The following SLC22A23 variants were observed in gnomAD, a reference collection of about 807,000 sequenced individuals.
The protein encoded by SLC22A23 is solute carrier family 22 member 23.
A neutral mutation model predicts 61.0 loss-of-function variants in SLC22A23; 26 were observed. The ratio of observed to expected loss-of-function variants is 0.43; its 90% confidence interval spans 0.31 to 0.59. The LOEUF is 0.59. Among genes scored for constraint, SLC22A23 ranks in the 20% least tolerant of loss-of-function variants. The pLI is 0.11. For missense variants in SLC22A23, 796 were observed against 934.7 expected, an observed-to-expected ratio of 0.85 and a Z score of 1.94; for synonymous variants, 430 against 413.9, an observed-to-expected ratio of 1.04 and a Z score of -0.47.
chr6:3,358,480 AAAT>A (rs1302848460), intron 3 of SLC22A23, among the ~76,000 whole-genome samples: 1 of 152,234 alleles, frequency 6.6e-6, no homozygotes, highest in African/African-American at 2.4e-5. Context: ...ACAGAAGGAC[AAAT>A]ACTACATGAT....
At chr6:3,349,180 C>T (rs926082599) in intron 3 of SLC22A23, among the ~76,000 whole-genome samples, 1 of 152,236 alleles carries the variant, frequency 6.6e-6, no homozygotes. Context: ...CCCTGCTCTT[C>T]GTTCCTCCCT....
At chr6:3,332,842 C>T (rs1240799172) in intron 3 of SLC22A23, among the ~76,000 whole-genome samples, 1 of 152,088 alleles carries the variant, frequency 6.6e-6, no homozygotes, top group African/African-American at 2.4e-5. Flanking sequence ...CAGTCTAGAG[C>T]AGACTTCCCC....
chr6:3,406,262 A>C (rs1006106126), intron 3 of SLC22A23, among the ~76,000 whole-genome samples: 5 of 152,158 alleles, frequency 3.3e-5, no homozygotes, highest in African/African-American at 1.2e-4. Context: ...CATCAAATCA[A>C]CTTAAAAAAC....
intron 1 of SLC22A23, among the ~76,000 whole-genome samples, chr6:3,426,262 C>T (rs1211138161): frequency 1.3e-5 from 2 of 152,164 alleles, no homozygotes; most frequent in African/African-American, 4.8e-5. Flanking sequence ...AAGCTTATAG[C>T]CAAGTCAGAC....
At chr6:3,285,021 A>G in intron 8 of SLC22A23, 58 bp downstream of exon 8, 1 of 1,599,808 alleles carries the variant, frequency 6.3e-7, no homozygotes, top group Non-Finnish European at 8.5e-7. Flanking sequence ...CTTCGAGAAA[A>G]CACCCATTTA....
chr6:3,340,762 A>G (rs2127421645), intron 3 of SLC22A23, among the ~76,000 whole-genome samples: 1 of 152,310 alleles, frequency 6.6e-6, no homozygotes, highest in African/African-American at 2.4e-5. Flanking sequence ...GAGACATGAG[A>G]ACCGAGAGAC....
intron 8 of SLC22A23, 144 bp downstream of exon 8, chr6:3,284,935 C>G (rs1016790825): frequency 1.6e-5 from 25 of 1,544,804 alleles, no homozygotes; most frequent in Non-Finnish European, 2.1e-5. Context: ...TAGTGTCCAA[C>G]CTACGGCCAA....
chr6:3,306,667 T>C (rs1436851550), intron 4 of SLC22A23, among the ~76,000 whole-genome samples: 3 of 152,202 alleles, frequency 2.0e-5, no homozygotes, highest in Non-Finnish European at 2.9e-5. Context: ...GCTGGCTCAC[T>C]GATCCCCAGG....
intron 4 of SLC22A23, among the ~76,000 whole-genome samples, chr6:3,315,160 A>G (rs1479341614): frequency 3.2e-5 from 2 of 63,272 alleles, no homozygotes; most frequent in Non-Finnish European, 8.5e-5. Flanking sequence ...AGTCTTGGGG[A>G]AAAGTGCAAA....
rs1769503314 is a variant in SLC22A23 at position 3,414,233 on chromosome 6, ATATTAG to A, written c.758+1513_758+1518del. Among the ~76,000 whole-genome samples, 5 of 152,256 alleles carry A rather than the reference ATATTAG, an allele frequency of 3.3e-5. No individual in the cohort carries two copies. Among genetic ancestry groups the A allele is most frequent in the Admixed American group, 3.3e-4 (5 of 15,290 alleles). ...TTTTAGAAAGACAGTGACATGGATTATATTAGTATATTTTTCTAACCTATTTCAATG... is the reference window on the plus strand; with the variant it reads ...TTTTAGAAAGACAGTGACATGGATTATATATTTTTCTAACCTATTTCAATG... On this transcript the variant is annotated intron_variant, in intron 2 of 9. Coordinates refer to ENST00000406686, the MANE Select transcript of SLC22A23 (RefSeq NM_015482.2). This position sits in a 1 kb window ranked among gnomAD's most constrained non-coding sequence, Gnocchi z 5.1.
rs965022932 is a variant in SLC22A23 at position 3,270,453 on chromosome 6, G to T, written c.*2602C>A. The stretch of plus-strand genomic sequence containing the variant: ...TCTGGCAACATTTCATAAAGGTGTT[G>T]CTCAACAGCTTCAGGTATCCCTAGG... On this transcript the variant is annotated 3_prime_UTR_variant, in exon 10 of 10. Coordinates refer to ENST00000406686, the MANE Select transcript of SLC22A23 (RefSeq NM_015482.2). The T allele has an allele frequency of 2.6e-5, 4 of 152,366 alleles. No homozygotes were observed. In the East Asian group the frequency reaches 7.5e-4, roughly 29 times the overall value. 9.4% of individuals were successfully genotyped at this position (152,366 alleles called of 1,614,324 possible).
intron 1 of SLC22A23, among the ~76,000 whole-genome samples, chr6:3,418,324 G>A (rs1344952647): frequency 6.6e-6 from 1 of 152,224 alleles, no homozygotes; most frequent in East Asian, 1.9e-4. Flanking sequence ...GGATGCAAAT[G>A]AGTATATTAT....
At chr6:3,278,370 T>C (rs1027559206) in intron 9 of SLC22A23, among the ~76,000 whole-genome samples, 54 of 151,914 alleles carry the variant, frequency 3.6e-4, no homozygotes, top group African/African-American at 1.3e-3. Context: ...CTGAAGACGA[T>C]ATGGATGAGG....
At position 3,431,997 on chromosome 6, in the gene SLC22A23, T is replaced by C. The variant is rs1434454041; in HGVS notation, c.655-16142A>G. The C allele has an allele frequency of 2.5e-5, 4 of 160,356 alleles. 1 individual carries two copies. The East Asian group carries it at 7.7e-4, about 31-fold the overall frequency. 9.9% of individuals were successfully genotyped at this position (160,356 alleles called of 1,614,324 possible). A position where few individuals can be genotyped will look rare whatever the true frequency, so the allele number is the denominator to read the frequency against. On this transcript the variant is annotated intron_variant, in intron 1 of 9. Coordinates refer to ENST00000406686, the MANE Select transcript of SLC22A23 (RefSeq NM_015482.2). ...TTTGCAGAAAAGGGCTCAGATTAAA[T>C]GCGTATCTCAAAGCACACACTCTGC...
At chr6:3,298,410 C>A (rs1232735459) in intron 4 of SLC22A23, among the ~76,000 whole-genome samples, 192 bp from the exon 5 acceptor site, 1 of 151,892 alleles carries the variant, frequency 6.6e-6, no homozygotes, top group African/African-American at 2.4e-5. Context: ...GAGTAAAAAT[C>A]AAGACCTTAA....
chr6:3,281,954 A>G (rs953433236), intron 9 of SLC22A23, among the ~76,000 whole-genome samples: 1 of 152,164 alleles, frequency 6.6e-6, no homozygotes, highest in Non-Finnish European at 1.5e-5. Context: ...TCTATCCTCA[A>G]ATCTTTCCAG....
chr6:3,428,010 G>A (rs2127537017), intron 1 of SLC22A23, among the ~76,000 whole-genome samples: 1 of 152,332 alleles, frequency 6.6e-6, no homozygotes, highest in East Asian at 1.9e-4. Context: ...GGACTGAGAG[G>A]CAGCTCTCTA....
In SLC22A23 at chr6:3,271,784, G is replaced by A. The variant is rs9503515; in HGVS notation, c.*1271C>T. 0.09 allele frequency: 13,763 copies of A among 152,414 alleles called. 730 individuals are homozygous for A. Among genetic ancestry groups the A allele is most frequent in the Middle Eastern group, 0.17 (51 of 294 alleles). 9.4% of individuals were successfully genotyped at this position (152,414 alleles called of 1,614,324 possible). ...AAACCTCCACTTTCTGGGGTGAAACGAGGAACACGAAGAGACCCATGGAGG... is the reference window on the plus strand; with the variant it reads ...AAACCTCCACTTTCTGGGGTGAAACAAGGAACACGAAGAGACCCATGGAGG... On this transcript the variant is annotated 3_prime_UTR_variant, in exon 10 of 10. Coordinates refer to ENST00000406686, the MANE Select transcript of SLC22A23 (RefSeq NM_015482.2).
intron 1 of SLC22A23, among the ~76,000 whole-genome samples, chr6:3,441,599 C>G (rs1189140639): frequency 6.6e-6 from 1 of 152,170 alleles, no homozygotes. Flanking sequence ...CTGGGCTTCC[C>G]TGCCCACTGA....
Sources: gnomAD v4.1 joint callset for allele counts (sites outside exome capture counted in the v4.1 genomes callset) on GRCh38, gnomAD v4.1.1 for gene constraint, Gnocchi (gnomAD v3.1) non-coding constraint, MANE v1.5 for transcripts, NCBI Gene and HGNC (gene_info 2026-07-23, HGNC 2026-07-21) for gene names.